GAB3: variants seen among roughly 807,000 people sequenced by gnomAD.
The protein encoded by GAB3 is GRB2 associated binding protein 3, also known as GRB2-associated-binding protein 3.
In GAB3, 12 loss-of-function variants were observed where a neutral mutation model predicts 40.4. The ratio of observed to expected loss-of-function variants is 0.30; its 90% CI spans 0.19 to 0.48. GAB3 has a LOEUF of 0.48. Among genes scored for constraint, GAB3 ranks in the 20% least tolerant of loss-of-function variants. GAB3 has a pLI of 0.99. For missense variants in GAB3, 381 were observed against 461.9 expected, an observed-to-expected ratio of 0.82 and a Z score of 1.61; for synonymous variants, 154 against 176.7, an observed-to-expected ratio of 0.87 and a Z score of 1.02.
At chrX:154,721,541 T>C (rs1288907104) in intron 1 of GAB3, among the ~76,000 whole-genome samples, 4 of 112,153 alleles carry the variant, frequency 3.6e-5, no homozygotes, top group Non-Finnish European at 7.5e-5. Context: ...GAGGGCTGAC[T>C]TCATGACCTA....
At chrX:154,686,230 A>G (rs1316772304) in intron 8 of GAB3, among the ~76,000 whole-genome samples, 1 of 111,063 alleles carries the variant, frequency 9.0e-6, no homozygotes, top group Non-Finnish European at 1.9e-5. Context: ...TCAACAAAAT[A>G]TTAGCAGATG....
intron 2 of GAB3, among the ~76,000 whole-genome samples, chrX:154,713,840 A>AT (rs1375303242): frequency 2.1e-5 from 2 of 95,622 alleles, no homozygotes; most frequent in Non-Finnish European, 4.2e-5. Context: ...ATATGTATGT[A>AT]TACCTATACA....
In GAB3 at chrX:154,738,150, C is replaced by T. The variant is rs782062799; in HGVS notation, c.72+12804G>A. Among the ~76,000 whole-genome samples the T allele has an allele frequency of 2.7e-5, 3 of 112,445 alleles. No individual in the cohort carries two copies. In the East Asian group the frequency reaches 8.3e-4, roughly 31 times the overall value. On this transcript the variant is annotated intron_variant, in intron 1 of 9. Transcript: ENST00000424127. ...CTGAAACACAGAGGAAATCTAAGTCCGTTTGACAGGAAGCTCAGTGTGAGT... is the reference window on the plus strand; with the variant it reads ...CTGAAACACAGAGGAAATCTAAGTCTGTTTGACAGGAAGCTCAGTGTGAGT...
chrX:154,694,226 C>T (rs1456741282), intron 8 of GAB3, among the ~76,000 whole-genome samples: 3 of 111,574 alleles, frequency 2.7e-5, no homozygotes, highest in Non-Finnish European at 5.7e-5. Flanking sequence ...CATTTTTATA[C>T]GACAGTTCCC....
chrX:154,705,994 C>T (rs906902344), intron 4 of GAB3, among the ~76,000 whole-genome samples: 9 of 111,621 alleles, frequency 8.1e-5, no homozygotes, highest in Non-Finnish European at 1.5e-4. Flanking sequence ...TTTACAATAG[C>T]TACAAAAAAT....
intron 8 of GAB3, among the ~76,000 whole-genome samples, chrX:154,688,112 T>C (rs896901363): frequency 2.7e-5 from 3 of 112,124 alleles, no homozygotes; most frequent in Non-Finnish European, 3.8e-5. Context: ...GCAGAGTTCT[T>C]AGACATAACA....
At chrX:154,750,487 G>A (rs1391200368) in intron 1 of GAB3, among the ~76,000 whole-genome samples, 1 of 112,299 alleles carries the variant, frequency 8.9e-6, no homozygotes, top group Non-Finnish European at 1.9e-5. Flanking sequence ...AGCTACAAGA[G>A]CAGCACTCCT....
chrX:154,731,314 C>G (rs918642724), intron 1 of GAB3, among the ~76,000 whole-genome samples: 1 of 111,741 alleles, frequency 8.9e-6, no homozygotes, highest in Admixed American at 9.5e-5. Context: ...CATTAAGTGT[C>G]TGAGGTGCAG....
intron 1 of GAB3, among the ~76,000 whole-genome samples, chrX:154,746,052 C>CA (rs201582710): frequency 0.026 from 813 of 31,114 alleles, 9 homozygotes; most frequent in African/African-American, 0.06. Context: ...AACTCCATCT[C>CA]AAAAAAAAAA....
At chrX:154,746,373 GAAT>G (rs1396948982) in intron 1 of GAB3, among the ~76,000 whole-genome samples, 22 of 112,162 alleles carry the variant, frequency 2.0e-4, no homozygotes, top group African/African-American at 7.1e-4. Context: ...TATATGAAAA[GAAT>G]AATATGTTAC....
chrX:154,716,515 AC>A (rs1828963357), intron 1 of GAB3, among the ~76,000 whole-genome samples, 186 bp from the exon 2 acceptor site: 1 of 112,815 alleles, frequency 8.9e-6, no homozygotes, highest in Non-Finnish European at 1.9e-5. Context: ...GATTTTAAGG[AC>A]GGGTCAGGAT....
intron 1 of GAB3, among the ~76,000 whole-genome samples, chrX:154,726,874 A>T (rs1557259420): frequency 9.0e-6 from 1 of 110,825 alleles, no homozygotes; most frequent in African/African-American, 3.3e-5. Context: ...TTCCAAATCA[A>T]TCCACTTCTC....
intron 1 of GAB3, among the ~76,000 whole-genome samples, chrX:154,737,470 T>C (rs1557260652): frequency 1.8e-5 from 2 of 111,366 alleles, no homozygotes; most frequent in East Asian, 2.8e-4. Context: ...CCTTGGATAA[T>C]CTCATCCACC....
At chrX:154,698,973 T>C (rs1397415808) in intron 6 of GAB3, among the ~76,000 whole-genome samples, 2 of 111,844 alleles carry the variant, frequency 1.8e-5, no homozygotes, top group Non-Finnish European at 3.8e-5. Context: ...TGGGATTCCA[T>C]TCTAATCCAC....
chrX:154,750,513 A>AG (rs2071596975), intron 1 of GAB3, among the ~76,000 whole-genome samples: 1 of 112,381 alleles, frequency 8.9e-6, no homozygotes, highest in Non-Finnish European at 1.9e-5. Flanking sequence ...CTTACGGTCC[A>AG]GGGGGAATGC....
At chrX:154,751,179 C>T (rs2071611170), upstream of GAB3, 4 of 443,917 alleles carry the variant, frequency 9.0e-6, no homozygotes, top group African/African-American at 2.8e-5. Flanking sequence ...CCGCGGCCCC[C>T]GGGGAGGGAA....
intron 1 of GAB3, among the ~76,000 whole-genome samples, chrX:154,723,950 T>G (rs1288083588): frequency 8.9e-6 from 1 of 111,805 alleles, no homozygotes; most frequent in Non-Finnish European, 1.9e-5. Flanking sequence ...CTGTCATCTG[T>G]AAATGTAAAT....
chrX:154,706,799 A>G (rs1557253733), intron 4 of GAB3, among the ~76,000 whole-genome samples: 1 of 109,837 alleles, frequency 9.1e-6, no homozygotes, highest in East Asian at 2.8e-4. Context: ...GTGAGCCTGT[A>G]GTCCCAGCAG....
Position 154,712,534 on chromosome X carries a change from G to T in GAB3, c.764C>A (p.Ala255Asp), listed in dbSNP as rs782213061. 13 of 1,192,225 alleles carry T rather than the reference G, an allele frequency of 1.1e-5. No individual in the cohort carries two copies. The highest frequency in any genetic ancestry group is 1.5e-5 in the Non-Finnish European group (13 of 885,651). Residue 255 changes from alanine to aspartate, a missense_variant, in exon 4 of 10, where the codon GCT becomes GAT. Physicochemically the swap from Ala to Asp is moderately radical, Grantham distance 126. Coordinates refer to ENST00000424127, the MANE Select transcript of GAB3 (RefSeq NM_001081573.3). ...AQEVPSSRPQ[A>D]ALIWSREING... is the part of the protein sequence containing the mutation. Reference sequence around the variant, plus strand: ...GATTTCTCTACTCCAGATCAGGGCAGCCTGAGGCCTCGAGGATGGCACCTC... The same window carrying T: ...GATTTCTCTACTCCAGATCAGGGCATCCTGAGGCCTCGAGGATGGCACCTC...
Sources: gnomAD v4.1 joint callset for allele counts (sites outside exome capture counted in the v4.1 genomes callset) on GRCh38, gnomAD v4.1.1 for gene constraint, MANE v1.5 for transcripts, NCBI Gene and HGNC (gene_info 2026-07-23, HGNC 2026-07-21) for gene names.